The following EEA1 variants were observed in gnomAD, a reference collection of about 807,000 sequenced individuals.
The protein encoded by EEA1 is early endosome antigen 1, 162kD.
EEA1 carries 111 observed loss-of-function variants against 209.2 expected under a neutral mutation model. The ratio of observed to expected loss-of-function variants is 0.53; its 90% CI spans 0.45 to 0.62. EEA1 has a LOEUF of 0.62. EEA1 is among the 20% of genes least tolerant of loss of function. EEA1 has a pLI of 0.00. For synonymous variants in EEA1, 536 were observed against 540.6 expected, an observed-to-expected ratio of 0.99 and a Z score of 0.12; for missense variants, 1,343 against 1,530.8, an observed-to-expected ratio of 0.88 and a Z score of 2.05.
intron 2 of EEA1, among the ~76,000 whole-genome samples, chr12:92,888,303 G>A (rs187183032): frequency 1.8e-4 from 27 of 152,258 alleles, no homozygotes; most frequent in East Asian, 9.6e-4. Flanking sequence ...AAAATAGGCC[G>A]GGCGCAGTGG....
rs528615302 is a variant in EEA1, at chr12:92,827,992, G to T, written c.1324C>A (p.Gln442Lys). 5.0e-6 allele frequency: 8 copies of T among 1,601,820 alleles called. No homozygotes were observed. The highest frequency in any genetic ancestry group is 6.0e-6 in the Non-Finnish European group (7 of 1,175,264). The change falls in exon 12 of 29, where the codon CAG (glutamine) becomes AAG (lysine). Residue 442 changes from glutamine to lysine, a missense_variant. Gln to Lys is a moderately conservative substitution (Grantham distance 53). Coordinates refer to ENST00000322349, the MANE Select transcript of EEA1 (RefSeq NM_003566.4). ...TCCATCAACTTTTCACTTGAAAGCT[G>T]TCTCTGTTCCTTCAGCCTACCATGA... Reference protein sequence around the residue: ...EAHGRLKEQRQLSSEKLMDKE... With the variant: ...EAHGRLKEQRKLSSEKLMDKE...
intron 18 of EEA1, 40 bp from the exon 19 acceptor site, chr12:92,802,774 T>C (rs986600062): frequency 7.1e-6 from 10 of 1,404,684 alleles, no homozygotes; most frequent in Non-Finnish European, 9.5e-6. Context: ...TAACACATAA[T>C]TTACCACTTC....
chr12:92,870,113 CT>C (rs972403875), intron 2 of EEA1, among the ~76,000 whole-genome samples: 3 of 152,066 alleles, frequency 2.0e-5, no homozygotes, highest in Non-Finnish European at 2.9e-5. Context: ...TAGAAACCTC[CT>C]GGGGTAGAGA....
In EEA1 at chr12:92,776,885, A is replaced by G; in HGVS notation, c.4072T>C (p.Cys1358Arg). 1 of 1,611,984 alleles carries G rather than the reference A, an allele frequency of 6.2e-7. No homozygotes were observed. Among genetic ancestry groups the G allele is most frequent in the Non-Finnish European group, 8.5e-7 (1 of 1,178,464 alleles). The change falls in exon 28 of 29, where the codon TGT becomes CGT. Residue 1358 changes from cysteine (C) to arginine (R), a missense_variant. Physicochemically the swap from Cys to Arg is radical, Grantham distance 180. Coordinates refer to ENST00000322349, the MANE Select transcript of EEA1 (RefSeq NM_003566.4). ...GAAAAGCCTTTCCCACAGGCCATAC[A>G]GTTTTGTACTTCATTGTCTTCGGCC... The part of the protein sequence containing the change: ...KWAEDNEVQN[C>R]MACGKGFSVT...
chr12:92,926,399 A>G (rs894779899), intron 1 of EEA1, among the ~76,000 whole-genome samples: 1 of 152,204 alleles, frequency 6.6e-6, no homozygotes, highest in African/African-American at 2.4e-5. Context: ...AAATAAGATT[A>G]GCAGGGAGGG....
chr12:92,842,633 A>AT (rs749796052), intron 9 of EEA1, 52 bp from the exon 10 acceptor site: 43 of 1,083,112 alleles, frequency 4.0e-5, no homozygotes, highest in East Asian at 7.8e-5. Context: ...TGTCTAAAAG[A>AT]TAAAAAAAAT....
chr12:92,777,327 T>C (rs1346573172), intron 27 of EEA1, among the ~76,000 whole-genome samples: 2 of 151,988 alleles, frequency 1.3e-5, no homozygotes, highest in African/African-American at 2.4e-5. Context: ...TAACAATTAA[T>C]GAATGACATG....
At chr12:92,901,260 T>C (rs1243444743) in intron 1 of EEA1, among the ~76,000 whole-genome samples, 1 of 151,330 alleles carries the variant, frequency 6.6e-6, no homozygotes, top group Non-Finnish European at 1.5e-5. Context: ...GTATGTTGCC[T>C]AGGCTCATCT....
intron 15 of EEA1, among the ~76,000 whole-genome samples, chr12:92,814,423 A>C (rs968411126): frequency 6.6e-6 from 1 of 152,210 alleles, no homozygotes; most frequent in South Asian, 2.1e-4. Flanking sequence ...CTATCTGAGG[A>C]ACCAAAAACT....
intron 19 of EEA1, 144 bp downstream of exon 19, chr12:92,802,260 C>A: frequency 2.7e-6 from 2 of 730,730 alleles, no homozygotes; most frequent in Non-Finnish European, 4.1e-6. Context: ...TCAGGTTAAG[C>A]AATCCCAATT....
rs141921939 is a variant in EEA1 at position 92,824,109 on chromosome 12, A to G, written c.1524+2057T>C. On this transcript the variant is annotated intron_variant, in intron 13 of 28. Coordinates refer to ENST00000322349, the MANE Select transcript of EEA1 (RefSeq NM_003566.4). ...CCTCCATATTGCCAAATCCAGTGGG[A>G]TTCTCCATCTTCATTTTGTCTGGTC... Among the ~76,000 whole-genome samples, 351 of 152,288 alleles carry G rather than the reference A, an allele frequency of 2.3e-3. 3 individuals carry two copies. Among genetic ancestry groups the G allele is most frequent in the African/African-American group, 7.8e-3 (324 of 41,564 alleles).
chr12:92,836,053 T>A (rs80254593), intron 10 of EEA1, among the ~76,000 whole-genome samples: 418 of 152,262 alleles, frequency 2.7e-3, no homozygotes, highest in African/African-American at 9.9e-3. Flanking sequence ...CATTAAAAAA[T>A]AATAAGAGCA....
intron 3 of EEA1, among the ~76,000 whole-genome samples, chr12:92,860,631 T>C (rs970880320): frequency 1.3e-5 from 2 of 152,068 alleles, no homozygotes; most frequent in African/African-American, 4.8e-5. Context: ...CAGAAAAACC[T>C]TGGGTTTGAC....
chr12:92,928,731 C>T (rs993504645), intron 1 of EEA1, among the ~76,000 whole-genome samples: 7 of 152,120 alleles, frequency 4.6e-5, no homozygotes, highest in African/African-American at 1.7e-4. Context: ...CACTCCCACT[C>T]AGGGTTCCCG....
At chr12:92,904,938 T>C (rs1476491318) in intron 1 of EEA1, among the ~76,000 whole-genome samples, 2 of 152,196 alleles carry the variant, frequency 1.3e-5, no homozygotes, top group African/African-American at 4.8e-5. Context: ...GACTAAGTCA[T>C]TGGCCATTGG....
intron 10 of EEA1, among the ~76,000 whole-genome samples, chr12:92,842,145 A>G (rs988747911): frequency 9.2e-5 from 14 of 152,162 alleles, no homozygotes; most frequent in African/African-American, 3.4e-4. Flanking sequence ...AAAAAACAAC[A>G]TTTTTAAAAG....
At chr12:92,879,804 C>T (rs1331787689) in intron 2 of EEA1, among the ~76,000 whole-genome samples, 1 of 152,214 alleles carries the variant, frequency 6.6e-6, no homozygotes, top group Admixed American at 6.5e-5. Context: ...AATGGCCTAA[C>T]CAGAAGTTTG....
In EEA1 at chr12:92,787,692, C is replaced by T. The variant is rs150288236; in HGVS notation, c.3150+175G>A. Among the ~76,000 whole-genome samples, 430 of 151,996 alleles carry T rather than the reference C, an allele frequency of 2.8e-3. 2 individuals are homozygous for T. The highest frequency in any genetic ancestry group is 9.7e-3 in the African/African-American group (404 of 41,460). ...ATTATAAATATGTCATTTTAAAATG[C>T]CCACATTTTAAACAATTTTTTAAAG... is the stretch of plus-strand genomic sequence containing the variant. On this transcript the variant is annotated intron_variant, in intron 22 of 28. Coordinates refer to ENST00000322349, the MANE Select transcript of EEA1 (RefSeq NM_003566.4).
intron 10 of EEA1, among the ~76,000 whole-genome samples, chr12:92,834,887 CTTTTT>C (rs2136695508): frequency 7.0e-6 from 1 of 143,792 alleles, no homozygotes; most frequent in East Asian, 2.1e-4. Context: ...TTTTTTTTTT[CTTTTT>C]CTTTTTTGAG....
Sources: allele counts gnomAD v4.1 joint callset (sites outside exome capture counted in the v4.1 genomes callset), GRCh38; gene constraint gnomAD v4.1.1; transcripts MANE v1.5; gene names NCBI Gene and HGNC (gene_info 2026-07-23, HGNC 2026-07-21).